The following SUCLG2 variants were observed in gnomAD, a reference collection of about 807,000 sequenced individuals.
The protein encoded by SUCLG2 is succinate--CoA ligase [GDP-forming] subunit beta, mitochondrial.
A neutral mutation model predicts 47.9 loss-of-function variants in SUCLG2; 42 were observed. The observed-to-expected ratio is 0.88, with a 90% CI of 0.69 to 1.14. SUCLG2 has a LOEUF of 1.14. Ranked by LOEUF, SUCLG2 falls within the 50% of genes most tolerant of loss-of-function variation. SUCLG2 has a pLI of 0.00. For missense variants in SUCLG2, 571 were observed against 525.9 expected (o/e 1.09, Z -0.84); for synonymous variants, 195 against 197.3 (o/e 0.99, Z 0.10).
At chr3:67,609,703 C>T in intron 1 of SUCLG2, 107 bp from the exon 2 acceptor site, 2 of 1,056,580 alleles carry the variant, frequency 1.9e-6, no homozygotes, top group Non-Finnish European at 2.6e-6. Flanking sequence ...CAATCTGCAA[C>T]CCAGAGTTGA....
At chr3:67,516,295 T>A (rs1705942849) in intron 6 of SUCLG2, among the ~76,000 whole-genome samples, 1 of 152,216 alleles carries the variant, frequency 6.6e-6, no homozygotes, top group South Asian at 2.1e-4. Context: ...ATATTCGTCT[T>A]CCTTCCATAG....
intron 2 of SUCLG2, among the ~76,000 whole-genome samples, chr3:67,538,945 A>G (rs1023578990): frequency 6.6e-6 from 1 of 152,224 alleles, no homozygotes; most frequent in Admixed American, 6.5e-5. Flanking sequence ...TTATCAGCTT[A>G]AGGGAATTTT....
intron 10 of SUCLG2, among the ~76,000 whole-genome samples, chr3:67,367,417 T>C (rs1701891487): frequency 6.6e-6 from 1 of 152,208 alleles, no homozygotes; most frequent in South Asian, 2.1e-4. Context: ...TCTTTTTAAA[T>C]TTAATATATT....
intron 1 of SUCLG2, among the ~76,000 whole-genome samples, chr3:67,614,268 ACT>A (rs887108744): frequency 1.3e-5 from 2 of 151,416 alleles, no homozygotes; most frequent in African/African-American, 4.9e-5. Context: ...TAAATTTGAG[ACT>A]CTGTTCAGAG....
chr3:67,605,990 A>T (rs1440381391), intron 2 of SUCLG2, among the ~76,000 whole-genome samples: 1 of 152,016 alleles, frequency 6.6e-6, no homozygotes, highest in Admixed American at 6.6e-5. Flanking sequence ...AGGCAGGAAG[A>T]TCACTTGAGG....
chr3:67,464,215 G>T (rs1375986683), intron 9 of SUCLG2, among the ~76,000 whole-genome samples: 1 of 152,138 alleles, frequency 6.6e-6, no homozygotes, highest in African/African-American at 2.4e-5. Flanking sequence ...CTGACTGACA[G>T]GGCAATCAGC....
intron 2 of SUCLG2, among the ~76,000 whole-genome samples, chr3:67,544,931 T>C (rs1706823511): frequency 6.6e-6 from 1 of 152,142 alleles, no homozygotes. Context: ...AAATAGAAAA[T>C]ACATTGATCA....
intron 2 of SUCLG2, among the ~76,000 whole-genome samples, chr3:67,544,735 T>C (rs1706817884): frequency 1.3e-5 from 2 of 152,212 alleles, no homozygotes; most frequent in South Asian, 4.1e-4. Flanking sequence ...ACTTTGCTTT[T>C]CTATTTATTT....
chr3:67,610,425 T>A (rs1465112205), intron 1 of SUCLG2, among the ~76,000 whole-genome samples: 1 of 151,376 alleles, frequency 6.6e-6, no homozygotes, highest in Non-Finnish European at 1.5e-5. Flanking sequence ...CACAATAACA[T>A]GAACAAATAA....
chr3:67,591,415 C>T (rs1708162151), intron 2 of SUCLG2, among the ~76,000 whole-genome samples: 1 of 152,160 alleles, frequency 6.6e-6, no homozygotes, highest in Admixed American at 6.5e-5. Context: ...TGCTGTGCCC[C>T]CATCCAAATC....
chr3:67,431,245 T>A (rs1703471681), intron 9 of SUCLG2, among the ~76,000 whole-genome samples: 1 of 152,006 alleles, frequency 6.6e-6, no homozygotes, highest in African/African-American at 2.4e-5. Flanking sequence ...CATCAAAAAG[T>A]TTATCCACCA....
intron 1 of SUCLG2, among the ~76,000 whole-genome samples, chr3:67,625,794 G>C (rs1700815582): frequency 6.6e-6 from 1 of 152,082 alleles, no homozygotes; most frequent in Non-Finnish European, 1.5e-5. Flanking sequence ...GTAAGATCTA[G>C]TGCTAAGCAC....
chr3:67,501,875 T>C (rs1236606234), intron 7 of SUCLG2, among the ~76,000 whole-genome samples: 1 of 152,086 alleles, frequency 6.6e-6, no homozygotes, highest in African/African-American at 2.4e-5. Context: ...GGCTATTCCT[T>C]TGTATCATTT....
At chr3:67,462,953 A>G (rs2106962183) in intron 9 of SUCLG2, among the ~76,000 whole-genome samples, 1 of 152,276 alleles carries the variant, frequency 6.6e-6, no homozygotes, top group East Asian at 1.9e-4. Flanking sequence ...CCCCCCACAC[A>G]TTTGATCACA....
chr3:67,587,304 T>C (rs1374652628), intron 2 of SUCLG2, among the ~76,000 whole-genome samples: 1 of 152,162 alleles, frequency 6.6e-6, no homozygotes, highest in African/African-American at 2.4e-5. Flanking sequence ...TTTCTAGCCG[T>C]CTGATCTACC....
At chr3:67,524,728 T>C (rs1706208952) in intron 4 of SUCLG2, among the ~76,000 whole-genome samples, 2 of 152,170 alleles carry the variant, frequency 1.3e-5, no homozygotes, top group Admixed American at 6.5e-5. Context: ...CTTGGACATA[T>C]ATATACATAA....
At chr3:67,599,770 T>TA (rs1370132700) in intron 2 of SUCLG2, among the ~76,000 whole-genome samples, 2 of 148,434 alleles carry the variant, frequency 1.3e-5, no homozygotes, top group Non-Finnish European at 3.0e-5. Context: ...TTGAGAGAAA[T>TA]AGACTCCCAA....
Position 67,494,811 on chromosome 3 carries a change from G to A in SUCLG2, c.1062+987C>T, listed in dbSNP as rs146809286. 2.9e-3 allele frequency among the ~76,000 whole-genome samples: 449 copies of A among 152,236 alleles called. 3 individuals are homozygous for A. Among genetic ancestry groups the A allele is most frequent in the Non-Finnish European group, 2.9e-3 (194 of 68,020 alleles). On this transcript the variant is annotated intron_variant, in intron 9 of 10. Coordinates refer to ENST00000307227, the MANE Select transcript of SUCLG2 (RefSeq NM_003848.4). Reference sequence around the variant, plus strand: ...GTTATAGTCAACTGAGTATCTACAGGTGAAACAAAGCATACTGATATTTAA... The same window carrying A: ...GTTATAGTCAACTGAGTATCTACAGATGAAACAAAGCATACTGATATTTAA...
chr3:67,377,882 A>G (rs964350368), intron 10 of SUCLG2, among the ~76,000 whole-genome samples: 2 of 152,078 alleles, frequency 1.3e-5, no homozygotes, highest in African/African-American at 2.4e-5. Flanking sequence ...CTGAACTCCT[A>G]AACTCAAGGA....
Sources: gnomAD v4.1 joint callset for allele counts (sites outside exome capture counted in the v4.1 genomes callset) on GRCh38, gnomAD v4.1.1 for gene constraint, MANE v1.5 for transcripts, NCBI Gene and HGNC (gene_info 2026-07-23, HGNC 2026-07-21) for gene names.